LDLRAD3: variants seen among roughly 807,000 people sequenced by gnomAD.
LDLRAD3 encodes the protein low density lipoprotein receptor class A domain containing 3.
A neutral mutation model predicts 29.4 loss-of-function variants in LDLRAD3; 20 were observed. That is an observed-to-expected ratio of 0.68 (90% confidence interval 0.48 to 0.99). LDLRAD3 has a LOEUF of 0.99. Among genes scored for constraint, LDLRAD3 ranks in the 50% least tolerant of loss-of-function variants. The pLI is 0.00. For missense variants in LDLRAD3, 420 were observed against 454.3 expected, an observed-to-expected ratio of 0.92 and a Z score of 0.69; for synonymous variants, 157 against 192.7, an observed-to-expected ratio of 0.81 and a Z score of 1.53.
intron 4 of LDLRAD3, among the ~76,000 whole-genome samples, chr11:36,172,429 A>G (rs1034626600): frequency 2.6e-5 from 4 of 151,352 alleles, no homozygotes; most frequent in East Asian, 1.9e-4. Flanking sequence ...GCTTTCAACT[A>G]TTCCCCATTT....
chr11:36,044,074 T>C (rs1243173587), intron 2 of LDLRAD3, among the ~76,000 whole-genome samples: 1 of 152,194 alleles, frequency 6.6e-6, no homozygotes, highest in Non-Finnish European at 1.5e-5. Flanking sequence ...GCAAAACCAT[T>C]AATGCTATGG....
chr11:36,170,537 G>A (rs1854583850), intron 4 of LDLRAD3, among the ~76,000 whole-genome samples: 2 of 151,818 alleles, frequency 1.3e-5, no homozygotes, highest in African/African-American at 4.8e-5. Context: ...GAAATTGCTG[G>A]ATCAAATGAT....
intron 4 of LDLRAD3, among the ~76,000 whole-genome samples, chr11:36,107,411 G>T (rs1396649756): frequency 6.6e-6 from 1 of 152,020 alleles, no homozygotes; most frequent in Non-Finnish European, 1.5e-5. Flanking sequence ...GGCCAGGCTG[G>T]TCTTGAACTC....
At chr11:36,071,432 AAAT>A (rs3080157) in intron 2 of LDLRAD3, among the ~76,000 whole-genome samples, 124,798 of 151,850 alleles carry the variant, frequency 0.82, 51,642 homozygotes, top group East Asian at 0.97. Context: ...CAAGTGGGAA[AAAT>A]AATATATGTA....
intron 4 of LDLRAD3, among the ~76,000 whole-genome samples, chr11:36,193,886 C>T (rs753749250): frequency 2.0e-5 from 3 of 152,120 alleles, no homozygotes; most frequent in Non-Finnish European, 4.4e-5. Context: ...CTGCCACTTA[C>T]TAGCTGAGAC....
intron 2 of LDLRAD3, among the ~76,000 whole-genome samples, chr11:36,063,571 A>G (rs1180580724): frequency 6.6e-6 from 1 of 152,184 alleles, no homozygotes; most frequent in African/African-American, 2.4e-5. Context: ...TCTGTGTTGT[A>G]TCATGTATCA....
intron 1 of LDLRAD3, among the ~76,000 whole-genome samples, chr11:36,032,778 G>T (rs1377168955): frequency 6.6e-6 from 1 of 152,142 alleles, no homozygotes; most frequent in African/African-American, 2.4e-5. Flanking sequence ...GCTTGGATTG[G>T]GTGGTGCCAG....
chr11:36,039,993 G>T (rs262447), intron 2 of LDLRAD3, among the ~76,000 whole-genome samples: 1 of 151,936 alleles, frequency 6.6e-6, no homozygotes, highest in African/African-American at 2.4e-5. Flanking sequence ...CCGCCTTCCC[G>T]GAGGGAGGGA....
chr11:36,077,810 C>T (rs1023737874), intron 2 of LDLRAD3, among the ~76,000 whole-genome samples: 7 of 152,214 alleles, frequency 4.6e-5, no homozygotes, highest in Non-Finnish European at 1.0e-4. Context: ...TCCTTCTTCT[C>T]TCCTCTTGTC....
intron 4 of LDLRAD3, among the ~76,000 whole-genome samples, chr11:36,177,390 C>CACATA (rs986815024): frequency 5.2e-4 from 79 of 152,236 alleles, no homozygotes; most frequent in African/African-American, 1.9e-3. Context: ...GATAAAGAAC[C>CACATA]TTGCTTTGTC....
At chr11:36,172,759 G>A (rs1854615330) in intron 4 of LDLRAD3, among the ~76,000 whole-genome samples, 1 of 152,090 alleles carries the variant, frequency 6.6e-6, no homozygotes, top group Admixed American at 6.6e-5. Flanking sequence ...TTGCATCTAT[G>A]TTCATCAGGG....
rs1286959860 is a variant in LDLRAD3, at chr11:36,213,608, T to A, written c.455-13477T>A. ...GTGGCTGCCACTGTGGCAGAGGCCA[T>A]GGTAGGAGGCATGCAGGAGTGAAAT... On this transcript the variant is annotated intron_variant, in intron 4 of 5. Transcript: ENST00000315571. This position sits in a 1 kb window ranked among gnomAD's most constrained non-coding sequence, Gnocchi z 4.1. Among the ~76,000 whole-genome samples the A allele has an allele frequency of 6.6e-6, 1 of 152,142 alleles. No homozygotes were observed. Among genetic ancestry groups the A allele is most frequent in the Non-Finnish European group, 1.5e-5 (1 of 68,016 alleles).
intron 4 of LDLRAD3, among the ~76,000 whole-genome samples, chr11:36,209,691 C>A (rs1449819376): frequency 2.0e-5 from 3 of 152,030 alleles, no homozygotes; most frequent in Non-Finnish European, 4.4e-5. Flanking sequence ...TTGTGTATGT[C>A]TAAACTTATC....
At chr11:36,002,455 A>G (rs1241330253) in intron 1 of LDLRAD3, among the ~76,000 whole-genome samples, 1 of 152,174 alleles carries the variant, frequency 6.6e-6, no homozygotes, top group South Asian at 2.1e-4. Context: ...CTGGTGTTGC[A>G]TGATTCTGTT....
chr11:36,001,771 G>A (rs1173110462), intron 1 of LDLRAD3, among the ~76,000 whole-genome samples: 1 of 140,494 alleles, frequency 7.1e-6, no homozygotes, highest in Non-Finnish European at 1.5e-5. Flanking sequence ...GTGTGTGTGT[G>A]TGTGTGTGTG....
chr11:36,055,417 T>TA (rs1231869615), intron 2 of LDLRAD3, among the ~76,000 whole-genome samples: 1 of 152,078 alleles, frequency 6.6e-6, no homozygotes, highest in Non-Finnish European at 1.5e-5. Context: ...GGTATCCAGA[T>TA]ATTTTGCTTG....
intron 1 of LDLRAD3, among the ~76,000 whole-genome samples, chr11:35,983,268 A>G (rs1192611180): frequency 6.6e-6 from 1 of 152,192 alleles, no homozygotes; most frequent in Non-Finnish European, 1.5e-5. Context: ...TATCAACCCT[A>G]TATTGGGTGT....
At chr11:35,967,956 C>A (rs919126406) in intron 1 of LDLRAD3, 8 of 396,300 alleles carry the variant, frequency 2.0e-5, no homozygotes, top group South Asian at 1.3e-4. Flanking sequence ...CAGGTGAAAT[C>A]CTGAAAAAGT....
Position 36,042,853 on chromosome 11 carries a change from C to A in LDLRAD3, c.193+6604C>A, listed in dbSNP as rs367894631. 3.5e-4 allele frequency among the ~76,000 whole-genome samples: 54 copies of A among 152,238 alleles called. No individual in the cohort carries two copies. In the East Asian group the frequency reaches 5.8e-3, roughly 16 times the overall value. On this transcript the variant is annotated intron_variant, in intron 2 of 5. Transcript: ENST00000315571. ...TGGAACAGATCCTTCCATCACAGCC[C>A]CCAGAGGGAATCAACCCTGCTAACA...
Sources: gnomAD v4.1 joint callset for allele counts (sites outside exome capture counted in the v4.1 genomes callset) on GRCh38, gnomAD v4.1.1 for gene constraint, Gnocchi (gnomAD v3.1) non-coding constraint, MANE v1.5 for transcripts, NCBI Gene and HGNC (gene_info 2026-07-23, HGNC 2026-07-21) for gene names.